MAST1: variants seen among roughly 807,000 people sequenced by gnomAD.
MAST1 encodes the protein microtubule associated serine/threonine kinase 1, also known as microtubule-associated serine/threonine-protein kinase 1.
A neutral mutation model predicts 124.6 loss-of-function variants in MAST1; 40 were observed. The observed-to-expected ratio is 0.32, with a 90% CI of 0.25 to 0.42. MAST1 has a LOEUF of 0.42. Among genes scored for constraint, MAST1 ranks in the 10% least tolerant of loss-of-function variants. The pLI is 1.00. For missense variants in MAST1, 1,558 were observed against 2,181.9 expected (o/e 0.71, Z 5.70); for synonymous variants, 938 against 939.4 (o/e 1.00, Z 0.03).
Position 12,843,417 on chromosome 19 carries a change from A to G in MAST1, c.249-112A>G, listed in dbSNP as rs1193016055. Reference sequence around the variant, plus strand: ...GGCCTTGAGGAATCTTAGAGTGCAGATATATTCCCCCAACCCCCACCCTGG... The same window carrying G: ...GGCCTTGAGGAATCTTAGAGTGCAGGTATATTCCCCCAACCCCCACCCTGG... On this transcript the variant is annotated intron_variant, in intron 3 of 25. Transcript: ENST00000251472. This position sits in a 1 kb window ranked among gnomAD's most constrained non-coding sequence, Gnocchi z 4.9. 1.4e-6 allele frequency: 1 copy of G among 732,802 alleles called. No homozygotes were observed. The highest frequency in any genetic ancestry group is 2.3e-6 in the Non-Finnish European group (1 of 429,312). The allele number at this position is 732,802 out of a possible 1,614,324, so 45.4% of individuals were successfully genotyped here. A position where few individuals can be genotyped will look rare whatever the true frequency, so the allele number is the denominator to read the frequency against.
intron 24 of MAST1, among the ~76,000 whole-genome samples, chr19:12,872,046 T>C (rs1970242635): frequency 6.6e-6 from 1 of 151,156 alleles, no homozygotes; most frequent in Non-Finnish European, 1.5e-5. Flanking sequence ...GCCCAGGAGA[T>C]GTGAACTGGA....
At chr19:12,860,138 G>A (rs1275732342) in intron 12 of MAST1, among the ~76,000 whole-genome samples, 4 of 151,566 alleles carry the variant, frequency 2.6e-5, no homozygotes, top group East Asian at 1.9e-4. Flanking sequence ...TGGGGGGGAC[G>A]GCGTCTTGCT....
Position 12,874,075 on chromosome 19 carries a change from C to T in MAST1, c.3918C>T (p.Ser1306=). The T allele has an allele frequency of 6.3e-7, 1 of 1,586,298 alleles. No individual in the cohort carries two copies. Among genetic ancestry groups the T allele is most frequent in the Non-Finnish European group, 8.5e-7 (1 of 1,169,818 alleles). The change falls in exon 26 of 26, where the codon AGC becomes AGT. Residue 1306 remains serine (S), a synonymous_variant. Transcript: ENST00000251472. This position sits in a 1 kb window ranked among gnomAD's most constrained non-coding sequence, Gnocchi z 6.6. ...TCCATGGCGAGCTGGCGCTGCATAGCCTTGCCGAGTCCGACGGTGAGACGC... is the reference window on the plus strand; with the variant it reads ...TCCATGGCGAGCTGGCGCTGCATAGTCTTGCCGAGTCCGACGGTGAGACGC... The part of the protein sequence containing the change: ...KDFHGELALH[S]LAESDGETPP...
chr19:12,872,916 A>G (rs1272342004), intron 24 of MAST1, among the ~76,000 whole-genome samples: 2 of 152,138 alleles, frequency 1.3e-5, no homozygotes, highest in Non-Finnish European at 2.9e-5. Flanking sequence ...AAAAAAAAAA[A>G]AAAAAATGGT....
chr19:12,839,920 AT>A (rs971423730), intron 1 of MAST1, among the ~76,000 whole-genome samples: 24 of 152,172 alleles, frequency 1.6e-4, no homozygotes, highest in African/African-American at 4.8e-4. Context: ...AAGAAAAAAA[AT>A]AATAATAATA....
chr19:12,864,696 G>A, intron 12 of MAST1, 113 bp from the exon 13 acceptor site: 1 of 1,412,266 alleles, frequency 7.1e-7, no homozygotes, highest in Non-Finnish European at 9.7e-7. Context: ...CAGAGCCTCA[G>A]TTTCCCTTAT....
rs1970174696 is a variant in MAST1 at position 12,867,758 on chromosome 19, T to C, written c.2347T>C (p.Phe783Leu). 1 of 1,544,222 alleles carries C rather than the reference T, an allele frequency of 6.5e-7. No individual in the cohort carries two copies. The change falls in exon 20 of 26, where the codon TTC becomes CTC. Residue 783 changes from phenylalanine to leucine, a missense_variant. Phe to Leu is a conservative substitution (Grantham distance 22). Transcript: ENST00000251472. ...IKRFSASEAS[F>L]LEGEASPPLG... ...GCGATTCTCCGCGTCCGAGGCCAGTTTCCTGGAGGGAGAGGCCAGTCCCCC... is the reference window on the plus strand; with the variant it reads ...GCGATTCTCCGCGTCCGAGGCCAGTCTCCTGGAGGGAGAGGCCAGTCCCCC...
Position 12,865,928 on chromosome 19 carries a change from GC to G in MAST1, c.1907-51del. 1.2e-6 allele frequency: 2 copies of G among 1,612,024 alleles called. No homozygotes were observed. Among genetic ancestry groups the G allele is most frequent in the South Asian group, 2.2e-5 (2 of 91,016 alleles). ...CGGGGCGGAAGACATGGGGGGCGGG[GC>G]TGGGCTGCTGGGTTGGCCATCAGCT... On this transcript the variant is annotated intron_variant, in intron 16 of 25. Coordinates refer to ENST00000251472, the MANE Select transcript of MAST1 (RefSeq NM_014975.3). This position sits in a 1 kb window ranked among gnomAD's most constrained non-coding sequence, Gnocchi z 7.1.
At chr19:12,845,411 C>CAAAAAAAAAAAAAAAAAAAAA (rs540488398) in intron 4 of MAST1, among the ~76,000 whole-genome samples, 1 of 69,142 alleles carries the variant, frequency 1.4e-5, no homozygotes, top group Non-Finnish European at 2.5e-5. Context: ...CCTGTTTCTA[C>CAAAAAAAAAAAAAAAAAAAAA]AAAAAAAAAA....
intron 2 of MAST1, 102 bp from the exon 3 acceptor site, chr19:12,840,889 C>T (rs1969818076): frequency 1.3e-6 from 1 of 780,440 alleles, no homozygotes. Flanking sequence ...GTGGTCTCCC[C>T]ATAATAGGCG....
rs139327808 is a variant in MAST1 at position 12,873,432 on chromosome 19, C to T, written c.3372C>T (p.Leu1124=). The part of the protein sequence containing the change: ...LNRSLSSSDS[L]PGSPTHGLPA... ...GCTCGCTGTCATCCAGCGATAGTCT[C>T]CCGGGCTCGCCTACGCACGGGCTGC... Residue 1124 remains leucine (L), a synonymous_variant, in exon 25 of 26, where the codon CTC becomes CTT. Coordinates refer to ENST00000251472, the MANE Select transcript of MAST1 (RefSeq NM_014975.3). 1.0e-4 allele frequency: 168 copies of T among 1,613,024 alleles called. 1 individual carries two copies. Among genetic ancestry groups the T allele is most frequent in the Admixed American group, 2.7e-4 (16 of 59,998 alleles).
In MAST1 at chr19:12,858,006, C is replaced by CAAAAA. The variant is rs539497049; in HGVS notation, c.1078-329_1078-325dup. Among the ~76,000 whole-genome samples, 25 of 49,444 alleles carry CAAAAA rather than the reference C, an allele frequency of 5.1e-4. 1 individual carries two copies. Among genetic ancestry groups the CAAAAA allele is most frequent in the East Asian group, 1.4e-3 (2 of 1,402 alleles). The allele number at this position is 49,444 out of a possible 152,430, so 32.4% of individuals were successfully genotyped here. On this transcript the variant is annotated intron_variant, in intron 10 of 25. Coordinates refer to ENST00000251472, the MANE Select transcript of MAST1 (RefSeq NM_014975.3). The stretch of plus-strand genomic sequence containing the variant: ...TGAATATCAGAGTGAGAACCTATCT[C>CAAAAA]AAAAAAAAAAAAAAAAAAAAAAAAA...
intron 10 of MAST1, among the ~76,000 whole-genome samples, chr19:12,853,079 T>G (rs1396948787): frequency 1.3e-5 from 2 of 150,584 alleles, no homozygotes; most frequent in African/African-American, 4.8e-5. Context: ...CAAGCAATTC[T>G]CCTGCCTCAG....
Position 12,838,704 on chromosome 19 carries a change from C to T in MAST1, c.83+49C>T. 6.4e-7 allele frequency: 1 copy of T among 1,563,656 alleles called. No individual in the cohort carries two copies. The highest frequency in any genetic ancestry group is 1.1e-5 in the South Asian group (1 of 89,148). ...TTGTCCCGGCCCTCCCCGCAAAAGCCGCCGCTCCGGGTACTGCTGCAGGGC... is the reference window on the plus strand; with the variant it reads ...TTGTCCCGGCCCTCCCCGCAAAAGCTGCCGCTCCGGGTACTGCTGCAGGGC... On this transcript the variant is annotated intron_variant, in intron 1 of 25. Coordinates refer to ENST00000251472, the MANE Select transcript of MAST1 (RefSeq NM_014975.3). This position sits in a 1 kb window ranked among gnomAD's most constrained non-coding sequence, Gnocchi z 4.3.
At chr19:12,871,348 C>T (rs761083546) in intron 24 of MAST1, among the ~76,000 whole-genome samples, 176 bp downstream of exon 24, 45 of 152,138 alleles carry the variant, frequency 3.0e-4, no homozygotes, top group Non-Finnish European at 6.2e-4. Flanking sequence ...GTGGCTCACG[C>T]CTGTAACCCC....
Position 12,873,436 on chromosome 19 carries a change from G to C in MAST1, c.3376G>C (p.Gly1126Arg). 1 of 1,612,934 alleles carries C rather than the reference G, an allele frequency of 6.2e-7. No individual in the cohort carries two copies. Among genetic ancestry groups the C allele is most frequent in the East Asian group, 2.2e-5 (1 of 44,874 alleles). The change falls in exon 25 of 26, where the codon GGC becomes CGC. Residue 1126 changes from glycine (G) to arginine (R), a missense_variant. Gly to Arg is a moderately radical substitution (Grantham distance 125). Coordinates refer to ENST00000251472, the MANE Select transcript of MAST1 (RefSeq NM_014975.3). ...GCTGTCATCCAGCGATAGTCTCCCG[G>C]GCTCGCCTACGCACGGGCTGCCGGC... ...RSLSSSDSLP[G>R]SPTHGLPARS... is the part of the protein sequence containing the mutation.
chr19:12,865,154 C>T lies in MAST1; in HGVS notation c.1614C>T (p.Asp538=), dbSNP rs778546766. ...TATATGAAGGCCACATCGAGAAGGA[C>T]GCCCGAGAGTTCCTGGACAAACAGG... ...TNLYEGHIEK[D]AREFLDKQVC... is the part of the protein sequence containing the mutation. The change falls in exon 14 of 26, where the codon GAC becomes GAT. Residue 538 remains aspartate, a synonymous_variant. Coordinates refer to ENST00000251472, the MANE Select transcript of MAST1 (RefSeq NM_014975.3). This position sits in a 1 kb window ranked among gnomAD's most constrained non-coding sequence, Gnocchi z 7.1. The T allele has an allele frequency of 2.5e-6, 4 of 1,614,062 alleles. No homozygotes were observed. The highest frequency in any genetic ancestry group is 1.3e-5 in the African/African-American group (1 of 75,052).
intron 22 of MAST1, among the ~76,000 whole-genome samples, chr19:12,870,553 T>G (rs888216441): frequency 4.0e-5 from 6 of 149,566 alleles, no homozygotes; most frequent in African/African-American, 1.5e-4. Context: ...TCCCAGCTAC[T>G]TGGGAGGCTG....
chr19:12,854,242 G>A (rs58087745), intron 10 of MAST1, among the ~76,000 whole-genome samples: 8 of 150,738 alleles, frequency 5.3e-5, no homozygotes, highest in African/African-American at 2.0e-4. Context: ...TCCTCCCTCA[G>A]CCTCCTGAGT....
Sources: allele counts gnomAD v4.1 joint callset (sites outside exome capture counted in the v4.1 genomes callset), GRCh38; gene constraint gnomAD v4.1.1; non-coding constraint Gnocchi (gnomAD v3.1); transcripts MANE v1.5; gene names NCBI Gene and HGNC (gene_info 2026-07-23, HGNC 2026-07-21).